The following AUH variants were observed in gnomAD, a reference collection of about 807,000 sequenced individuals.
AUH encodes the protein AU RNA binding methylglutaconyl-CoA hydratase, also known as methylglutaconyl-CoA hydratase, mitochondrial.
AUH carries 29 observed loss-of-function variants against 42.3 expected under a neutral mutation model. The observed-to-expected ratio is 0.69, with a 90% CI of 0.51 to 0.93. AUH has a LOEUF of 0.93. AUH is among the 40% of genes least tolerant of loss of function. AUH has a pLI of 0.00. For synonymous variants in AUH, 174 were observed against 166.4 expected (o/e 1.05, Z -0.35); for missense variants, 452 against 438.1 (o/e 1.03, Z -0.28).
At chr9:91,336,183 T>C (rs916162329) in intron 3 of AUH, among the ~76,000 whole-genome samples, 1 of 152,180 alleles carries the variant, frequency 6.6e-6, no homozygotes, top group African/African-American at 2.4e-5. Context: ...ACGTTGCTAT[T>C]TTATATTTTC....
At chr9:91,227,097 T>C (rs548537227) in intron 6 of AUH, among the ~76,000 whole-genome samples, 2 of 151,496 alleles carry the variant, frequency 1.3e-5, no homozygotes, top group African/African-American at 2.4e-5. Flanking sequence ...AGAAAGGCAT[T>C]GGTAGCTTGA....
At chr9:91,259,240 G>C (rs1039739824) in intron 6 of AUH, among the ~76,000 whole-genome samples, 1 of 152,114 alleles carries the variant, frequency 6.6e-6, no homozygotes, top group African/African-American at 2.4e-5. Flanking sequence ...GTCATGTTTT[G>C]GTAATTGTGT....
At chr9:91,310,858 C>A (rs933495116) in intron 4 of AUH, among the ~76,000 whole-genome samples, 1 of 152,148 alleles carries the variant, frequency 6.6e-6, no homozygotes, top group African/African-American at 2.4e-5. Flanking sequence ...CAATATCAAA[C>A]CTCTGCAGAA....
chr9:91,283,671 GACAA>G (rs1449810761), intron 6 of AUH, among the ~76,000 whole-genome samples: 5 of 152,100 alleles, frequency 3.3e-5, no homozygotes, highest in Non-Finnish European at 5.9e-5. Flanking sequence ...ACCAATAACA[GACAA>G]ACAGAGAGCC....
At chr9:91,355,001 CAA>C (rs1832299611) in intron 3 of AUH, among the ~76,000 whole-genome samples, 2 of 152,162 alleles carry the variant, frequency 1.3e-5, no homozygotes, top group Admixed American at 1.3e-4. Flanking sequence ...TCACATTTGA[CAA>C]ATGTGAAAAC....
Position 91,339,920 on chromosome 9 carries a change from G to A in AUH, c.419-14516C>T, listed in dbSNP as rs117813036. 8.7e-3 allele frequency among the ~76,000 whole-genome samples: 1,328 copies of A among 152,304 alleles called. 7 individuals are homozygous for A. Among genetic ancestry groups the A allele is most frequent in the Non-Finnish European group, 0.013 (888 of 68,024 alleles). On this transcript the variant is annotated intron_variant, in intron 3 of 9. Coordinates refer to ENST00000375731, the MANE Select transcript of AUH (RefSeq NM_001698.3). Reference sequence around the variant, plus strand: ...TGTGGTCTTGCTGATCGAGATCAGCGTGCAGGGAGGCTGAGGTGGCTGGAA... The same window carrying A: ...TGTGGTCTTGCTGATCGAGATCAGCATGCAGGGAGGCTGAGGTGGCTGGAA...
intron 6 of AUH, among the ~76,000 whole-genome samples, chr9:91,272,341 G>A (rs1034516957): frequency 7.2e-5 from 11 of 152,076 alleles, no homozygotes; most frequent in African/African-American, 2.7e-4. Flanking sequence ...TACACTTAAG[G>A]TGCTCTCATG....
intron 3 of AUH, among the ~76,000 whole-genome samples, chr9:91,347,209 GTTTT>G (rs1554719842): frequency 2.3e-4 from 17 of 75,210 alleles, no homozygotes; most frequent in African/African-American, 6.2e-4. Flanking sequence ...AGTTAAGAGG[GTTTT>G]TTGTTTGTTT....
At chr9:91,315,341 C>T (rs907772410) in intron 4 of AUH, among the ~76,000 whole-genome samples, 4 of 152,194 alleles carry the variant, frequency 2.6e-5, no homozygotes, top group Non-Finnish European at 5.9e-5. Flanking sequence ...GCCTGAAGCT[C>T]AAATGCGCAT....
intron 6 of AUH, among the ~76,000 whole-genome samples, chr9:91,261,186 T>C (rs765778918): frequency 6.6e-5 from 10 of 152,144 alleles, no homozygotes; most frequent in African/African-American, 2.2e-4. Flanking sequence ...TTGCTAGATA[T>C]TATGTAATTT....
chr9:91,280,640 C>G (rs1239042395), intron 6 of AUH, among the ~76,000 whole-genome samples: 3 of 152,144 alleles, frequency 2.0e-5, no homozygotes, highest in Admixed American at 1.3e-4. Context: ...ATTCTCCAAT[C>G]TTTTCTGTAT....
chr9:91,354,710 A>T (rs1040330318), intron 3 of AUH, among the ~76,000 whole-genome samples: 1 of 152,214 alleles, frequency 6.6e-6, no homozygotes, highest in African/African-American at 2.4e-5. Context: ...CACAACATTG[A>T]TATCACTCCT....
At chr9:91,317,784 A>G (rs1359311488) in intron 4 of AUH, among the ~76,000 whole-genome samples, 5 of 152,232 alleles carry the variant, frequency 3.3e-5, no homozygotes, top group Non-Finnish European at 5.9e-5. Context: ...TCGTCAGGCT[A>G]AGGAAGTTTC....
At chr9:91,353,820 CAAAAAAAAA>C (rs56842895) in intron 3 of AUH, among the ~76,000 whole-genome samples, 3 of 27,646 alleles carry the variant, frequency 1.1e-4, no homozygotes, top group Non-Finnish European at 1.6e-4. Context: ...GACTCCGTCT[CAAAAAAAAA>C]AAAAAAAAAA....
intron 6 of AUH, among the ~76,000 whole-genome samples, chr9:91,247,347 C>A (rs555945291): frequency 2.8e-4 from 43 of 152,242 alleles, no homozygotes; most frequent in African/African-American, 1.0e-3. Flanking sequence ...TTCCCTGCCT[C>A]GCCCCTCAGT....
At chr9:91,291,144 C>T (rs1826845073) in intron 6 of AUH, among the ~76,000 whole-genome samples, 1 of 152,216 alleles carries the variant, frequency 6.6e-6, no homozygotes, top group South Asian at 2.1e-4. Context: ...CTGTTTCTGT[C>T]TTCGCATCAC....
chr9:91,226,429 T>C (rs1218342112), intron 6 of AUH, among the ~76,000 whole-genome samples: 3 of 151,174 alleles, frequency 2.0e-5, no homozygotes, highest in African/African-American at 7.3e-5. Context: ...TTGTTTGAGT[T>C]CATTGTAGAT....
At chr9:91,220,722 T>A (rs1354045768) in intron 7 of AUH, 83 bp downstream of exon 7, 1 of 1,491,300 alleles carries the variant, frequency 6.7e-7, no homozygotes, top group Non-Finnish European at 9.2e-7. Context: ...ACTTCTTCCA[T>A]AGGCAAGATG....
intron 6 of AUH, among the ~76,000 whole-genome samples, chr9:91,269,890 A>C (rs1012921335): frequency 6.6e-6 from 1 of 152,206 alleles, no homozygotes; most frequent in African/African-American, 2.4e-5. Flanking sequence ...TGATACCCAG[A>C]TCTGTACAAA....
Sources: allele counts gnomAD v4.1 joint callset (sites outside exome capture counted in the v4.1 genomes callset), GRCh38; gene constraint gnomAD v4.1.1; transcripts MANE v1.5; gene names NCBI Gene and HGNC (gene_info 2026-07-23, HGNC 2026-07-21).